The following PLXDC2 variants were observed in gnomAD, a reference collection of about 807,000 sequenced individuals.
PLXDC2 encodes plexin domain-containing protein 2.
In PLXDC2, 40 loss-of-function variants were observed where a neutral mutation model predicts 68.9. That is an observed-to-expected ratio of 0.58 (90% CI 0.45 to 0.76). The LOEUF (loss-of-function observed/expected upper bound fraction) is 0.76. Among genes scored for constraint, PLXDC2 ranks in the 30% least tolerant of loss-of-function variants. The pLI, the probability that PLXDC2 is intolerant of heterozygous loss-of-function variation, is 0.00. For missense variants in PLXDC2, 644 were observed against 661.9 expected (o/e 0.97, Z 0.30); for synonymous variants, 243 against 234.2 (o/e 1.04, Z -0.34).
intron 2 of PLXDC2, among the ~76,000 whole-genome samples, chr10:20,034,318 T>A (rs77607359): frequency 0.029 from 4,371 of 152,278 alleles, 81 homozygotes; most frequent in Non-Finnish European, 0.044. Context: ...AACAGTATTT[T>A]CATAAAATTA....
chr10:20,140,038 C>T (rs12781530), intron 4 of PLXDC2, among the ~76,000 whole-genome samples: 33,496 of 152,072 alleles, frequency 0.22, 4,603 homozygotes, highest in East Asian at 0.49. Context: ...TGGTGGCACA[C>T]GCCTGTAATC....
chr10:20,228,937 G>A (rs779835242), intron 12 of PLXDC2, among the ~76,000 whole-genome samples: 1 of 152,146 alleles, frequency 6.6e-6, no homozygotes, highest in Non-Finnish European at 1.5e-5. Flanking sequence ...TGACTGGATT[G>A]CATAACAGTC....
intron 1 of PLXDC2, among the ~76,000 whole-genome samples, chr10:19,912,913 T>C (rs1204647965): frequency 6.6e-6 from 1 of 152,198 alleles, no homozygotes. Context: ...CAGGAGCTAC[T>C]GGAGCTGTGT....
intron 1 of PLXDC2, among the ~76,000 whole-genome samples, chr10:19,939,461 A>C (rs1399420625): frequency 6.6e-6 from 1 of 152,204 alleles, no homozygotes; most frequent in Non-Finnish European, 1.5e-5. Context: ...GTTAAATTAC[A>C]TCAAATTAGG....
intron 4 of PLXDC2, among the ~76,000 whole-genome samples, chr10:20,089,907 A>C (rs1185619507): frequency 1.3e-5 from 2 of 152,186 alleles, no homozygotes; most frequent in African/African-American, 2.4e-5. Flanking sequence ...CTCCATCTTG[A>C]CTTTGTAAGG....
intron 1 of PLXDC2, among the ~76,000 whole-genome samples, chr10:19,968,063 C>T (rs1834293764): frequency 6.6e-6 from 1 of 152,164 alleles, no homozygotes. Context: ...CAGATTTAGG[C>T]TTCATTTATG....
At chr10:19,971,889 T>C (rs938072445) in intron 1 of PLXDC2, among the ~76,000 whole-genome samples, 2 of 151,936 alleles carry the variant, frequency 1.3e-5, no homozygotes, top group Non-Finnish European at 2.9e-5. Context: ...AGGAAGAAAG[T>C]TCTTGTGAAT....
At chr10:19,865,280 G>A (rs185381421) in intron 1 of PLXDC2, among the ~76,000 whole-genome samples, 10 of 152,276 alleles carry the variant, frequency 6.6e-5, no homozygotes, top group African/African-American at 2.4e-4. Context: ...GTGATCTGCT[G>A]TTTCACTTTG....
At chr10:19,845,215 A>G (rs1008387980) in intron 1 of PLXDC2, among the ~76,000 whole-genome samples, 16 of 152,114 alleles carry the variant, frequency 1.1e-4, no homozygotes, top group African/African-American at 3.4e-4. Flanking sequence ...GTGTGCCATA[A>G]CACAAAGGTT....
intron 1 of PLXDC2, among the ~76,000 whole-genome samples, chr10:19,917,982 G>T (rs1833399405): frequency 6.6e-6 from 1 of 152,104 alleles, no homozygotes; most frequent in African/African-American, 2.4e-5. Flanking sequence ...TTTCTCCTCG[G>T]GTTTGAATGA....
At chr10:20,184,838 G>T (rs1366275993) in intron 9 of PLXDC2, among the ~76,000 whole-genome samples, 1 of 151,798 alleles carries the variant, frequency 6.6e-6, no homozygotes, top group Non-Finnish European at 1.5e-5. Flanking sequence ...CTGTGGGTAT[G>T]TCCTTTGCAG....
chr10:19,854,718 T>C (rs572443658), intron 1 of PLXDC2, among the ~76,000 whole-genome samples: 15 of 152,310 alleles, frequency 9.8e-5, no homozygotes, highest in African/African-American at 3.6e-4. Flanking sequence ...AACGCCAGTG[T>C]CTTTGGGTAA....
At chr10:19,840,475 ACT>A (rs1177107340) in intron 1 of PLXDC2, among the ~76,000 whole-genome samples, 1 of 152,100 alleles carries the variant, frequency 6.6e-6, no homozygotes, top group Non-Finnish European at 1.5e-5. Flanking sequence ...GCCTTAAAAT[ACT>A]CTTTCAATCT....
rs868470278 is a variant in PLXDC2, at chr10:20,288,442, C to T, written c.*8623C>T. 6.6e-5 allele frequency: 10 copies of T among 151,918 alleles called. No individual in the cohort carries two copies. The highest frequency in any genetic ancestry group is 1.7e-4 in the African/African-American group (7 of 41,352). 9.4% of individuals were successfully genotyped at this position (151,918 alleles called of 1,614,324 possible). A position where few individuals can be genotyped will look rare whatever the true frequency, so the allele number is the denominator to read the frequency against. ...TACTTCTCGGTGACCTTCTGTTGAA[C>T]GTACCTGAGCCTGCAAATGTAAAAA... On this transcript the variant is annotated 3_prime_UTR_variant, in exon 14 of 14. Transcript: ENST00000377252.
intron 4 of PLXDC2, chr10:20,071,128 A>G (rs1002717742): frequency 1.3e-5 from 2 of 151,972 alleles, no homozygotes; most frequent in African/African-American, 4.8e-5. Context: ...GAGTCAAGAT[A>G]ATCTACACAT....
intron 1 of PLXDC2, among the ~76,000 whole-genome samples, chr10:19,946,102 T>A (rs1452191013): frequency 1.3e-5 from 2 of 152,152 alleles, no homozygotes; most frequent in Non-Finnish European, 2.9e-5. Context: ...ATGAATTGGT[T>A]GTGGCATAAC....
chr10:20,197,018 GC>G (rs1416110009), intron 9 of PLXDC2, among the ~76,000 whole-genome samples: 10 of 151,928 alleles, frequency 6.6e-5, no homozygotes, highest in Non-Finnish European at 1.3e-4. Flanking sequence ...GATGCAATGT[GC>G]TCCCAAATTC....
intron 1 of PLXDC2, among the ~76,000 whole-genome samples, chr10:19,945,073 C>T (rs1429687562): frequency 2.0e-5 from 3 of 152,204 alleles, no homozygotes; most frequent in Non-Finnish European, 4.4e-5. Flanking sequence ...CAGTGACCGG[C>T]CCAAGAGTAG....
chr10:20,236,009 T>A (rs193003855), intron 12 of PLXDC2, among the ~76,000 whole-genome samples: 149 of 152,332 alleles, frequency 9.8e-4, no homozygotes, highest in African/African-American at 3.5e-3. Context: ...ATGCAAAGGC[T>A]TGGCATGAGA....
Sources: allele counts gnomAD v4.1 joint callset (sites outside exome capture counted in the v4.1 genomes callset), GRCh38; gene constraint gnomAD v4.1.1; transcripts MANE v1.5; gene names NCBI Gene and HGNC (gene_info 2026-07-23, HGNC 2026-07-21).